The following EYS variants were observed in gnomAD, a reference collection of about 807,000 sequenced individuals.
The protein encoded by EYS is protein eyes shut homolog.
Under a neutral mutation model 282.1 loss-of-function variants are expected in EYS, and 250 were observed. That is an observed-to-expected ratio of 0.89 (90% CI 0.80 to 0.98). EYS has a LOEUF of 0.98. EYS is among the 50% of genes least tolerant of loss of function. The probability of loss-of-function intolerance (pLI) is 0.00; values close to 1 mark genes in which losing one functional copy is unlikely to be tolerated. For missense variants in EYS, 4,016 were observed against 3,709.0 expected (o/e 1.08, Z -2.15); for synonymous variants, 1,355 against 1,282.9 (o/e 1.06, Z -1.20).
At chr6:65,408,499 CA>C (rs1410506660) in intron 5 of EYS, among the ~76,000 whole-genome samples, 1 of 152,012 alleles carries the variant, frequency 6.6e-6, no homozygotes, top group East Asian at 1.9e-4. Context: ...TAAGTCGTCA[CA>C]TTTGTTGGCC....
chr6:64,243,149 T>C (rs1766891473), intron 30 of EYS, among the ~76,000 whole-genome samples: 1 of 151,430 alleles, frequency 6.6e-6, no homozygotes, highest in Non-Finnish European at 1.5e-5. Context: ...ATAAAGTGAG[T>C]ATTTTTATTC....
intron 22 of EYS, among the ~76,000 whole-genome samples, chr6:64,642,228 G>C (rs961146776): frequency 6.6e-6 from 1 of 152,096 alleles, no homozygotes; most frequent in African/African-American, 2.4e-5. Flanking sequence ...AAAGTTAAAA[G>C]CATCTTGAAT....
At chr6:65,457,210 G>A (rs1000963245) in intron 5 of EYS, among the ~76,000 whole-genome samples, 1 of 151,938 alleles carries the variant, frequency 6.6e-6, no homozygotes, top group Admixed American at 6.6e-5. Context: ...CTGTCACATC[G>A]GCTGGAGTGC....
rs145528558 is a variant in EYS at position 64,285,789 on chromosome 6, T to A, written c.6191+21181A>T. 8.9e-3 allele frequency among the ~76,000 whole-genome samples: 1,356 copies of A among 152,174 alleles called. 19 individuals carry two copies. Among genetic ancestry groups the A allele is most frequent in the African/African-American group, 0.03 (1,260 of 41,518 alleles). On this transcript the variant is annotated intron_variant, in intron 30 of 42. Transcript: ENST00000503581. ...ATAGAAAATGAGGAAGATGCAGAAGTGGAAACCCCTGATAAACCCATCAGA... is the reference window on the plus strand; with the variant it reads ...ATAGAAAATGAGGAAGATGCAGAAGAGGAAACCCCTGATAAACCCATCAGA...
intron 12 of EYS, among the ~76,000 whole-genome samples, chr6:65,127,198 GAAAAATACTAA>G (rs777699690): frequency 6.4e-4 from 97 of 151,970 alleles, no homozygotes; most frequent in Non-Finnish European, 1.2e-3. Flanking sequence ...TCAGTTAGAA[GAAAAATACTAA>G]AAAAATACTA....
intron 12 of EYS, among the ~76,000 whole-genome samples, chr6:65,224,256 CA>C (rs1462645894): frequency 2.0e-5 from 3 of 151,824 alleles, no homozygotes; most frequent in African/African-American, 7.3e-5. Context: ...ATAAAAGGAA[CA>C]AAAAAGTAGA....
intron 22 of EYS, among the ~76,000 whole-genome samples, chr6:64,739,112 G>C (rs973046231): frequency 6.6e-6 from 1 of 152,102 alleles, no homozygotes; most frequent in African/African-American, 2.4e-5. Flanking sequence ...ACTCTACTGA[G>C]CTGGACCTCT....
chr6:65,583,380 TTAAG>T (rs1309365757), intron 2 of EYS, among the ~76,000 whole-genome samples: 4 of 152,126 alleles, frequency 2.6e-5, no homozygotes, highest in African/African-American at 9.6e-5. Flanking sequence ...ATGCTTTTCG[TTAAG>T]TAAGAATTAC....
At chr6:65,291,888 A>G (rs1262395906) in intron 12 of EYS, among the ~76,000 whole-genome samples, 1 of 151,638 alleles carries the variant, frequency 6.6e-6, no homozygotes, top group African/African-American at 2.4e-5. Flanking sequence ...AATATAGTGC[A>G]GAGTGATGAA....
At chr6:64,796,062 A>C (rs1027257627) in intron 22 of EYS, among the ~76,000 whole-genome samples, 1 of 152,200 alleles carries the variant, frequency 6.6e-6, no homozygotes, top group Admixed American at 6.5e-5. Context: ...TTGATTAAAA[A>C]CTGCTCACGC....
At chr6:64,133,922 T>TATACGA (rs1412739699) in intron 31 of EYS, among the ~76,000 whole-genome samples, 1 of 152,054 alleles carries the variant, frequency 6.6e-6, no homozygotes, top group African/African-American at 2.4e-5. Context: ...ATGGTTCTTA[T>TATACGA]ATACGAATGC....
intron 7 of EYS, among the ~76,000 whole-genome samples, chr6:65,392,314 G>C (rs1766074345): frequency 6.6e-6 from 1 of 151,898 alleles, no homozygotes; most frequent in Non-Finnish European, 1.5e-5. Flanking sequence ...AGCCAAAATT[G>C]ACAAATGGGA....
rs530538443 is a variant in EYS at position 64,177,526 on chromosome 6, T to A, written c.6424+53066A>T. Among the ~76,000 whole-genome samples the A allele has an allele frequency of 2.0e-5, 3 of 152,236 alleles. No individual in the cohort carries two copies. In the South Asian group the frequency reaches 6.2e-4, roughly 32 times the overall value. ...CTTGAATTAATTAATTTCATATGAATATGCATGACATATTTTTCTAGGAAG... is the reference window on the plus strand; with the variant it reads ...CTTGAATTAATTAATTTCATATGAAAATGCATGACATATTTTTCTAGGAAG... On this transcript the variant is annotated intron_variant, in intron 31 of 42. Transcript: ENST00000503581.
intron 26 of EYS, among the ~76,000 whole-genome samples, chr6:64,495,030 TATGTAAGATTATTATTATCAC>T (rs1308991391): frequency 1.3e-5 from 2 of 151,698 alleles, no homozygotes; most frequent in Non-Finnish European, 3.0e-5. Flanking sequence ...ATTACTGTGA[TATGTAAGATTATTATTATCAC>T]ATGTAAGGTA....
At chr6:64,678,099 T>A (rs1327382065) in intron 22 of EYS, among the ~76,000 whole-genome samples, 1 of 152,214 alleles carries the variant, frequency 6.6e-6, no homozygotes, top group Non-Finnish European at 1.5e-5. Flanking sequence ...TATGTCATAT[T>A]TGGCCACTGA....
chr6:64,009,655 C>A (rs1325192872), intron 33 of EYS, among the ~76,000 whole-genome samples: 1 of 152,148 alleles, frequency 6.6e-6, no homozygotes, highest in South Asian at 2.1e-4. Flanking sequence ...TCCTTAGATT[C>A]TTTAGATTTT....
chr6:63,764,536 G>C (rs1769734574), intron 40 of EYS, among the ~76,000 whole-genome samples: 1 of 151,612 alleles, frequency 6.6e-6, no homozygotes. Context: ...GCCATCTAGT[G>C]GTTCATTTTA....
At chr6:65,026,438 C>T (rs1454611955) in intron 13 of EYS, among the ~76,000 whole-genome samples, 1 of 151,908 alleles carries the variant, frequency 6.6e-6, no homozygotes, top group Non-Finnish European at 1.5e-5. Context: ...GAAAAAAAGA[C>T]CAGGGGTATG....
intron 15 of EYS, among the ~76,000 whole-genome samples, chr6:64,933,359 T>C (rs1768792855): frequency 6.6e-6 from 1 of 152,082 alleles, no homozygotes; most frequent in Admixed American, 6.6e-5. Context: ...GAGACATTTA[T>C]GTGGCCAACA....
Sources: allele counts gnomAD v4.1 joint callset (sites outside exome capture counted in the v4.1 genomes callset), GRCh38; gene constraint gnomAD v4.1.1; transcripts MANE v1.5; gene names NCBI Gene and HGNC (gene_info 2026-07-23, HGNC 2026-07-21).